The following FSTL4 variants were observed in gnomAD, a reference collection of about 807,000 sequenced individuals.
FSTL4 encodes the protein follistatin-related protein 4.
Under a neutral mutation model 78.2 loss-of-function variants are expected in FSTL4, and 28 were observed. The ratio of observed to expected loss-of-function variants is 0.36; its 90% CI spans 0.27 to 0.49. The LOEUF (loss-of-function observed/expected upper bound fraction) is 0.49. Among genes scored for constraint, FSTL4 ranks in the 20% least tolerant of loss-of-function variants. FSTL4 has a pLI of 0.98. For synonymous variants in FSTL4, 422 were observed against 440.5 expected (o/e 0.96, Z 0.53); for missense variants, 922 against 1,084.9 (o/e 0.85, Z 2.11).
chr5:133,202,107 T>TGAGC, intron 14 of FSTL4, 65 bp from the exon 15 acceptor site: 14 of 1,032,902 alleles, frequency 1.4e-5, no homozygotes, highest in Non-Finnish European at 2.0e-5. Flanking sequence ...TGGAGACACC[T>TGAGC]GTACGCTCAG....
At chr5:133,673,689 A>G in the FSTL4 span, among the ~76,000 whole-genome samples, 5 of 152,210 alleles carry the variant, frequency 3.3e-5, no homozygotes, top group African/African-American at 9.6e-5. Flanking sequence ...ATGCTTATCT[A>G]GAGCCTATTA....
chr5:133,748,737 A>G, the FSTL4 span, among the ~76,000 whole-genome samples: 1 of 152,090 alleles, frequency 6.6e-6, no homozygotes, highest in East Asian at 1.9e-4. Context: ...TTTCTTCTGA[A>G]ATACAGGCAC....
the FSTL4 span, among the ~76,000 whole-genome samples, chr5:133,732,818 G>A: frequency 6.6e-6 from 1 of 152,174 alleles, no homozygotes; most frequent in Non-Finnish European, 1.5e-5. Context: ...CTTCCAGTTG[G>A]CTACCCCTGA....
At chr5:133,749,656 G>T in the FSTL4 span, among the ~76,000 whole-genome samples, 1 of 152,294 alleles carries the variant, frequency 6.6e-6, no homozygotes, top group Admixed American at 6.5e-5. Context: ...TCCTATGGAA[G>T]GGATAAAGCA....
At position 133,279,202 on chromosome 5, in the gene FSTL4, G is replaced by A. The variant is rs111627730; in HGVS notation, c.728-29626C>T. Among the ~76,000 whole-genome samples the A allele has an allele frequency of 5.3e-3, 803 of 152,320 alleles. 5 individuals carry two copies. Among genetic ancestry groups the A allele is most frequent in the African/African-American group, 0.018 (763 of 41,572 alleles). Reference sequence around the variant, plus strand: ...GATGGTCCATGGCCTGTTAGGAGCCGGGCTGCACAGCAGGAGGTGAGCGGC... The same window carrying A: ...GATGGTCCATGGCCTGTTAGGAGCCAGGCTGCACAGCAGGAGGTGAGCGGC... On this transcript the variant is annotated intron_variant, in intron 6 of 15. Coordinates refer to ENST00000265342, the MANE Select transcript of FSTL4 (RefSeq NM_015082.2).
At chr5:133,623,719 A>G in the FSTL4 span, among the ~76,000 whole-genome samples, 10 of 152,072 alleles carry the variant, frequency 6.6e-5, no homozygotes, top group Non-Finnish European at 1.5e-4. Flanking sequence ...CCCACAGACT[A>G]AGAGAAAATA....
intron 3 of FSTL4, among the ~76,000 whole-genome samples, chr5:133,506,409 T>C (rs1383254740): frequency 6.6e-6 from 1 of 152,112 alleles, no homozygotes; most frequent in African/African-American, 2.4e-5. Context: ...TTCTATCAAC[T>C]TGTCACTCTG....
the FSTL4 span, among the ~76,000 whole-genome samples, chr5:133,731,819 T>C: frequency 6.6e-6 from 1 of 152,196 alleles, no homozygotes; most frequent in Non-Finnish European, 1.5e-5. Flanking sequence ...TGCTGGCAGC[T>C]TTCCTTTCAA....
At chr5:133,623,097 T>TA in the FSTL4 span, among the ~76,000 whole-genome samples, 1 of 152,012 alleles carries the variant, frequency 6.6e-6, no homozygotes, top group African/African-American at 2.4e-5. Flanking sequence ...GTCTTTTTTT[T>TA]TTTCCTACAA....
At chr5:133,606,637 G>T (rs1423641971) in intron 1 of FSTL4, among the ~76,000 whole-genome samples, 3 of 152,128 alleles carry the variant, frequency 2.0e-5, no homozygotes, top group African/African-American at 7.2e-5. Context: ...ATCAAACATT[G>T]CTCACAGAGT....
intron 11 of FSTL4, among the ~76,000 whole-genome samples, chr5:133,221,915 T>TTTTTTG (rs1751141750): frequency 6.6e-5 from 9 of 135,572 alleles, no homozygotes; most frequent in South Asian, 4.7e-4. Context: ...TTTTTTTTTT[T>TTTTTTG]TTTTTTTTTT....
the FSTL4 span, among the ~76,000 whole-genome samples, chr5:133,639,808 G>A: frequency 3.9e-5 from 6 of 152,182 alleles, no homozygotes; most frequent in Admixed American, 6.5e-5. Context: ...CCAGCTCGGG[G>A]TTGAGCTTGC....
the FSTL4 span, among the ~76,000 whole-genome samples, chr5:133,711,162 G>C: frequency 2.0e-5 from 3 of 152,180 alleles, no homozygotes; most frequent in African/African-American, 7.2e-5. Context: ...GGTTCCCAGA[G>C]AGCTCTGTCT....
chr5:133,268,427 C>A (rs1032570920), intron 6 of FSTL4, among the ~76,000 whole-genome samples: 1 of 152,144 alleles, frequency 6.6e-6, no homozygotes, highest in Admixed American at 6.5e-5. Context: ...AAGTCACTAC[C>A]CCCCTACATG....
chr5:133,341,558 C>A (rs1749211171), intron 4 of FSTL4, among the ~76,000 whole-genome samples: 1 of 152,058 alleles, frequency 6.6e-6, no homozygotes, highest in South Asian at 2.1e-4. Flanking sequence ...AGACAGGAAC[C>A]CTTCCCCCTC....
At chr5:133,337,165 C>A (rs1256910702) in intron 4 of FSTL4, among the ~76,000 whole-genome samples, 2 of 152,222 alleles carry the variant, frequency 1.3e-5, no homozygotes, top group East Asian at 3.8e-4. Context: ...CTTGCACCAG[C>A]ATGGGGCTGT....
chr5:133,814,594 G>C, the FSTL4 span, among the ~76,000 whole-genome samples: 2 of 152,114 alleles, frequency 1.3e-5, no homozygotes, highest in Non-Finnish European at 2.9e-5. Flanking sequence ...TGACTTAGTG[G>C]ACCAGAAAGT....
At chr5:133,267,733 G>C (rs554592617) in intron 6 of FSTL4, among the ~76,000 whole-genome samples, 1 of 152,200 alleles carries the variant, frequency 6.6e-6, no homozygotes, top group African/African-American at 2.4e-5. Context: ...CACACAGGCA[G>C]AAGAGACTGC....
At chr5:133,670,998 T>A in the FSTL4 span, among the ~76,000 whole-genome samples, 1 of 152,148 alleles carries the variant, frequency 6.6e-6, no homozygotes, top group Non-Finnish European at 1.5e-5. Context: ...GCAGATAGAA[T>A]GAGGAAGAGG....
Sources: gnomAD v4.1 joint callset for allele counts (sites outside exome capture counted in the v4.1 genomes callset) on GRCh38, gnomAD v4.1.1 for gene constraint, MANE v1.5 for transcripts, NCBI Gene and HGNC (gene_info 2026-07-23, HGNC 2026-07-21) for gene names.